The following CDK6 variants were observed in gnomAD, a reference collection of about 807,000 sequenced individuals.
CDK6 encodes cyclin dependent kinase 6, also known as cyclin-dependent kinase 6.
Under a neutral mutation model 37.1 loss-of-function variants are expected in CDK6, and 6 were observed. That is an observed-to-expected ratio of 0.16 (90% CI 0.09 to 0.32). The LOEUF (loss-of-function observed/expected upper bound fraction) is 0.32. CDK6 is among the 10% of genes least tolerant of loss of function. The pLI is 1.00. For synonymous variants in CDK6, 160 were observed against 161.3 expected, an observed-to-expected ratio of 0.99 and a Z score of 0.06; for missense variants, 224 against 418.9, an observed-to-expected ratio of 0.53 and a Z score of 4.06.
chr7:92,759,659 C>G lies in CDK6; in HGVS notation c.369+15037G>C, dbSNP rs776434419. Among the ~76,000 whole-genome samples, 15 of 108,440 alleles carry G rather than the reference C, an allele frequency of 1.4e-4. 1 individual carries two copies. The highest frequency in any genetic ancestry group is 0.016 in the Middle Eastern group (2 of 128). The allele number at this position is 108,440 out of a possible 152,430, so 71.1% of individuals were successfully genotyped here. On this transcript the variant is annotated intron_variant, in intron 3 of 7. Coordinates refer to ENST00000424848, the MANE Select transcript of CDK6 (RefSeq NM_001145306.2). ...TGGTCTATTTTCACCTTCATACTTT[C>G]AAAAGGCCACAGTAGGATGGAACAA... is the stretch of plus-strand genomic sequence containing the variant.
At chr7:92,617,441 T>G (rs774052921) in intron 7 of CDK6, among the ~76,000 whole-genome samples, 6 of 152,186 alleles carry the variant, frequency 3.9e-5, no homozygotes, top group Non-Finnish European at 8.8e-5. Flanking sequence ...AGACACTCAT[T>G]ACTCACTGGG....
intron 5 of CDK6, among the ~76,000 whole-genome samples, chr7:92,632,168 T>C (rs539643868): frequency 1.3e-4 from 20 of 152,216 alleles, no homozygotes; most frequent in Admixed American, 1.1e-3. Context: ...ACCTTTCTCT[T>C]GCAAAAACTC....
At chr7:92,729,974 G>A (rs763822629) in intron 3 of CDK6, among the ~76,000 whole-genome samples, 4 of 152,130 alleles carry the variant, frequency 2.6e-5, no homozygotes, top group African/African-American at 4.8e-5. Flanking sequence ...TCCTGGCCTC[G>A]AGCCATGAAT....
chr7:92,764,664 T>C (rs1213538630), intron 3 of CDK6, among the ~76,000 whole-genome samples: 2 of 152,226 alleles, frequency 1.3e-5, no homozygotes, highest in African/African-American at 4.8e-5. Context: ...AACATTATTC[T>C]ACATACTGAA....
Position 92,671,446 on chromosome 7 carries a change from A to T in CDK6, c.627T>A (p.Phe209Leu), listed in dbSNP as rs778649229. The T allele has an allele frequency of 1.9e-6, 3 of 1,569,036 alleles. No individual in the cohort carries two copies. The South Asian group carries it at 3.5e-5, about 19-fold the overall frequency. Residue 209 changes from phenylalanine (F) to leucine (L), a missense_variant, in exon 5 of 8, where the codon TTT becomes TTA. Transcript: ENST00000424848. Reference protein sequence around the residue: ...PVDLWSVGCIFAEMFRRKPLF... With the variant: ...PVDLWSVGCILAEMFRRKPLF... ...CTTACTTTCTACGAAACATTTCTGC[A>T]AATATGCAGCCAACACTCCAGAGAT...
intron 4 of CDK6, among the ~76,000 whole-genome samples, chr7:92,720,259 T>C (rs1798335093): frequency 6.6e-6 from 1 of 152,210 alleles, no homozygotes; most frequent in South Asian, 2.1e-4. Context: ...TAAATACCCT[T>C]TGTAGAATCT....
chr7:92,651,546 A>G (rs1203522335), intron 5 of CDK6, among the ~76,000 whole-genome samples: 1 of 152,220 alleles, frequency 6.6e-6, no homozygotes, highest in Non-Finnish European at 1.5e-5. Flanking sequence ...GATAAAGATC[A>G]GAAGTGAGTT....
intron 4 of CDK6, among the ~76,000 whole-genome samples, chr7:92,671,756 C>T (rs1205844931): frequency 6.6e-6 from 1 of 152,152 alleles, no homozygotes; most frequent in African/African-American, 2.4e-5. Flanking sequence ...AACTCTATGT[C>T]TAACTAGGAT....
At chr7:92,724,800 A>G (rs1798470142) in intron 4 of CDK6, among the ~76,000 whole-genome samples, 1 of 151,964 alleles carries the variant, frequency 6.6e-6, no homozygotes, top group South Asian at 2.1e-4. Context: ...TTAATTTGCT[A>G]TATATTATTT....
chr7:92,695,131 G>A (rs1797679849), intron 4 of CDK6, among the ~76,000 whole-genome samples: 1 of 151,872 alleles, frequency 6.6e-6, no homozygotes, highest in Non-Finnish European at 1.5e-5. Flanking sequence ...TAAAGAACCA[G>A]GTATAAATGG....
At chr7:92,767,415 T>G (rs1470291018) in intron 3 of CDK6, among the ~76,000 whole-genome samples, 5 of 152,218 alleles carry the variant, frequency 3.3e-5, no homozygotes, top group Admixed American at 2.0e-4. Flanking sequence ...ATGGAAATTA[T>G]TAGTAAGATT....
At chr7:92,808,087 T>A (rs1029730301) in intron 2 of CDK6, among the ~76,000 whole-genome samples, 1 of 152,122 alleles carries the variant, frequency 6.6e-6, no homozygotes, top group Non-Finnish European at 1.5e-5. Flanking sequence ...CCCCTGTAAA[T>A]TAAAAAGAAA....
At chr7:92,675,727 G>C (rs191497588) in intron 4 of CDK6, among the ~76,000 whole-genome samples, 1 of 152,286 alleles carries the variant, frequency 6.6e-6, no homozygotes, top group Non-Finnish European at 1.5e-5. Context: ...TTTGTTAGCA[G>C]TGTGTCTTAA....
At position 92,833,711 on chromosome 7, in the gene CDK6, A is replaced by G; in HGVS notation, c.-367-21T>C. 2.3e-6 allele frequency: 1 copy of G among 434,224 alleles called. No homozygotes were observed. The allele number at this position is 434,224 out of a possible 1,614,324, so 26.9% of individuals were successfully genotyped here. A position where few individuals can be genotyped will look rare whatever the true frequency, so the allele number is the denominator to read the frequency against. ...TGCACCTAAAGGAGGAGACGGGAGG[A>G]TAAGAAGAAAGTGCAATCAGACAGC... On this transcript the variant is annotated intron_variant, in intron 1 of 7. Coordinates refer to ENST00000424848, the MANE Select transcript of CDK6 (RefSeq NM_001145306.2). The surrounding 1 kb of genome is among the most constrained non-coding windows in gnomAD (Gnocchi z 6.1).
At chr7:92,724,902 T>G (rs1232358383) in intron 4 of CDK6, 1 of 519,566 alleles carries the variant, frequency 1.9e-6, no homozygotes, top group East Asian at 1.5e-4. Context: ...CAGGCTGCTC[T>G]TTTTGTATTT....
chr7:92,773,404 C>G (rs1289335282), intron 3 of CDK6, among the ~76,000 whole-genome samples: 4 of 152,034 alleles, frequency 2.6e-5, no homozygotes, highest in Non-Finnish European at 5.9e-5. Flanking sequence ...CAGATCATAC[C>G]AAGAGAATGA....
chr7:92,661,522 T>C (rs1796835025), intron 5 of CDK6, among the ~76,000 whole-genome samples: 1 of 152,212 alleles, frequency 6.6e-6, no homozygotes, highest in Non-Finnish European at 1.5e-5. Context: ...GTATGTATTA[T>C]ACCCTGTATT....
intron 2 of CDK6, among the ~76,000 whole-genome samples, chr7:92,817,176 T>C (rs1027928811): frequency 1.3e-5 from 2 of 151,888 alleles, no homozygotes; most frequent in Admixed American, 1.3e-4. Context: ...GAAGAAACAC[T>C]TCTCAACTCG....
chr7:92,702,809 G>A (rs1049728697), intron 4 of CDK6, among the ~76,000 whole-genome samples: 7 of 152,136 alleles, frequency 4.6e-5, no homozygotes, highest in East Asian at 3.9e-4. Context: ...ATTTCTACAC[G>A]GGGGTAGCCA....
Sources: allele counts gnomAD v4.1 joint callset (sites outside exome capture counted in the v4.1 genomes callset), GRCh38; gene constraint gnomAD v4.1.1; non-coding constraint Gnocchi (gnomAD v3.1); transcripts MANE v1.5; gene names NCBI Gene and HGNC (gene_info 2026-07-23, HGNC 2026-07-21).